COP1: variants seen among roughly 807,000 people sequenced by gnomAD.
The protein encoded by COP1 is COP1 E3 ubiquitin ligase.
COP1 carries 24 observed loss-of-function variants against 101.3 expected under a neutral mutation model. That is an observed-to-expected ratio of 0.24 (90% CI 0.17 to 0.33). The LOEUF (loss-of-function observed/expected upper bound fraction) is 0.33, where lower values mean the gene tolerates loss of function less well. COP1 is among the 10% of genes least tolerant of loss of function. The pLI, the probability that COP1 is intolerant of heterozygous loss-of-function variation, is 1.00. For synonymous variants in COP1, 347 were observed against 341.9 expected, an observed-to-expected ratio of 1.01 and a Z score of -0.17; for missense variants, 663 against 906.2, an observed-to-expected ratio of 0.73 and a Z score of 3.45.
chr1:175,997,936 A>G (rs1020744800), intron 15 of COP1, among the ~76,000 whole-genome samples: 1 of 152,068 alleles, frequency 6.6e-6, no homozygotes, highest in Non-Finnish European at 1.5e-5. Context: ...GCTGCTATAA[A>G]GACACATGCA....
intron 18 of COP1, among the ~76,000 whole-genome samples, chr1:175,976,980 C>A (rs1344066746): frequency 6.6e-6 from 1 of 152,046 alleles, no homozygotes; most frequent in Non-Finnish European, 1.5e-5. Flanking sequence ...AAAGCAAAAT[C>A]AACTATTAGT....
In COP1 at chr1:176,116,690, T is replaced by C; in HGVS notation, c.969-9A>G. ...TGGAATCAATAATACTACTGCAAAA[T>C]GAAGAGAAAAAAATGTGATTTCAGT... On this transcript the variant is annotated splice_polypyrimidine_tract_variant and intron_variant, in intron 8 of 19. Transcript: ENST00000367669. 6.3e-7 allele frequency: 1 copy of C among 1,593,726 alleles called. No individual in the cohort carries two copies. Among genetic ancestry groups the C allele is most frequent in the African/African-American group, 1.3e-5 (1 of 74,088 alleles).
intron 3 of COP1, among the ~76,000 whole-genome samples, chr1:176,165,349 A>AGG (rs1694925756): frequency 6.8e-6 from 1 of 147,192 alleles, no homozygotes. Context: ...AGAGAGAGAG[A>AGG]GAGATGTGTG....
Position 175,989,279 on chromosome 1 carries a change from A to G in COP1, c.1847+83T>C. 14 of 704,118 alleles carry G rather than the reference A, an allele frequency of 2.0e-5. No homozygotes were observed. The South Asian group carries it at 2.5e-4, about 13-fold the overall frequency. 43.6% of individuals were successfully genotyped at this position (704,118 alleles called of 1,614,324 possible). A position where few individuals can be genotyped will look rare whatever the true frequency, so the allele number is the denominator to read the frequency against. ...CATATACTCCAATATTATAGTTTAC[A>G]TACACCCTCAGTGACATTACAAGCT... On this transcript the variant is annotated intron_variant, in intron 16 of 19. Coordinates refer to ENST00000367669, the MANE Select transcript of COP1 (RefSeq NM_022457.7).
intron 15 of COP1, among the ~76,000 whole-genome samples, chr1:176,005,057 A>C (rs2148896815): frequency 6.6e-6 from 1 of 152,240 alleles, no homozygotes; most frequent in East Asian, 1.9e-4. Context: ...TCAGAGATTC[A>C]ATTTCTTCCT....
At chr1:176,193,313 T>G (rs966287826) in intron 1 of COP1, among the ~76,000 whole-genome samples, 2 of 152,122 alleles carry the variant, frequency 1.3e-5, no homozygotes, top group Non-Finnish European at 2.9e-5. Flanking sequence ...CCTTATACAT[T>G]GCTAGTAGGA....
intron 12 of COP1, among the ~76,000 whole-genome samples, chr1:176,044,239 G>C (rs112275537): frequency 0.019 from 2,907 of 152,256 alleles, 94 homozygotes; most frequent in African/African-American, 0.066. Context: ...AAACTACAGT[G>C]AATTGGGTTT....
At chr1:176,028,611 T>C (rs1163509231) in intron 14 of COP1, among the ~76,000 whole-genome samples, 1 of 143,888 alleles carries the variant, frequency 6.9e-6, no homozygotes, top group Non-Finnish European at 1.5e-5. Context: ...GATAAATTTA[T>C]ACTCAGATGT....
In COP1 at chr1:176,003,978, C is replaced by T. The variant is rs562698166; in HGVS notation, c.1730-14499G>A. ...TTTCAGGATATTGATTCTTCCAACC[C>T]ATGAGCATGGAATGTTCTTCCATTT... On this transcript the variant is annotated intron_variant, in intron 15 of 19. Coordinates refer to ENST00000367669, the MANE Select transcript of COP1 (RefSeq NM_022457.7). 1.9e-3 allele frequency among the ~76,000 whole-genome samples: 279 copies of T among 150,700 alleles called. 4 individuals carry two copies. The highest frequency in any genetic ancestry group is 0.016 in the Admixed American group (240 of 15,094).
chr1:176,039,632 T>A (rs1670176802), intron 14 of COP1, among the ~76,000 whole-genome samples: 1 of 151,766 alleles, frequency 6.6e-6, no homozygotes, highest in African/African-American at 2.4e-5. Context: ...AGATCCCAAA[T>A]AACTGAAACA....
chr1:176,157,918 G>C (rs1162505144), intron 5 of COP1, among the ~76,000 whole-genome samples: 1 of 152,060 alleles, frequency 6.6e-6, no homozygotes, highest in African/African-American at 2.4e-5. Flanking sequence ...ATTCATCAAT[G>C]ACCTAAAGAA....
At chr1:175,949,184 A>AAAAAAAAAAAAAAAAAAT (rs1228129551) in intron 18 of COP1, among the ~76,000 whole-genome samples, 1 of 148,516 alleles carries the variant, frequency 6.7e-6, no homozygotes, top group East Asian at 2.0e-4. Context: ...AAAAAAAAAA[A>AAAAAAAAAAAAAAAAAAT]AAAAAAAATG....
intron 15 of COP1, among the ~76,000 whole-genome samples, chr1:176,026,739 G>A (rs1557951656): frequency 1.3e-5 from 2 of 151,946 alleles, no homozygotes; most frequent in Non-Finnish European, 2.9e-5. Context: ...AGTTGCTACT[G>A]TCTCCATCAT....
chr1:176,143,679 G>A (rs2149792240), intron 6 of COP1, among the ~76,000 whole-genome samples: 1 of 152,064 alleles, frequency 6.6e-6, no homozygotes, highest in East Asian at 1.9e-4. Flanking sequence ...GCAAGTAGGG[G>A]GACCAATTGT....
At chr1:176,042,456 G>A (rs1476279542) in intron 14 of COP1, among the ~76,000 whole-genome samples, 3 of 148,406 alleles carry the variant, frequency 2.0e-5, no homozygotes, top group East Asian at 2.0e-4. Flanking sequence ...CCAGCCACTC[G>A]GGAGGGTGAG....
intron 1 of COP1, among the ~76,000 whole-genome samples, chr1:176,201,586 T>C (rs982043695): frequency 6.6e-6 from 1 of 152,250 alleles, no homozygotes; most frequent in Admixed American, 6.5e-5. Flanking sequence ...TCTTTAGTAA[T>C]GAACTACTAT....
chr1:176,032,396 C>T (rs1668783887), intron 14 of COP1, among the ~76,000 whole-genome samples: 1 of 152,188 alleles, frequency 6.6e-6, no homozygotes, highest in South Asian at 2.1e-4. Context: ...AAACAACAGA[C>T]CATGTATTAG....
intron 15 of COP1, among the ~76,000 whole-genome samples, chr1:176,009,519 G>A (rs1664222596): frequency 6.6e-6 from 1 of 152,090 alleles, no homozygotes; most frequent in South Asian, 2.1e-4. Flanking sequence ...AAGTTTTACA[G>A]TAGCTAAAAA....
intron 5 of COP1, among the ~76,000 whole-genome samples, chr1:176,156,242 T>G (rs1693428643): frequency 1.3e-5 from 2 of 151,988 alleles, no homozygotes; most frequent in Admixed American, 1.3e-4. Flanking sequence ...ATAAACTGTG[T>G]GGGAGAAAAG....
Sources: gnomAD v4.1 joint callset for allele counts (sites outside exome capture counted in the v4.1 genomes callset) on GRCh38, gnomAD v4.1.1 for gene constraint, MANE v1.5 for transcripts, NCBI Gene and HGNC (gene_info 2026-07-23, HGNC 2026-07-21) for gene names.